METTL21C: variants seen among roughly 807,000 people sequenced by gnomAD.
METTL21C encodes protein-lysine methyltransferase METTL21C.
A neutral mutation model predicts 25.9 loss-of-function variants in METTL21C; 21 were observed. That is an observed-to-expected ratio of 0.81 (90% CI 0.58 to 1.17). The LOEUF (loss-of-function observed/expected upper bound fraction) is 1.17. METTL21C is among the 50% of genes most tolerant of loss of function. The pLI is 0.00. For synonymous variants in METTL21C, 125 were observed against 124.7 expected (o/e 1.00, Z -0.01); for missense variants, 312 against 315.1 (o/e 0.99, Z 0.07).
chr13:102,702,265 T>G, the METTL21C span, among the ~76,000 whole-genome samples: 1 of 151,758 alleles, frequency 6.6e-6, no homozygotes, highest in Admixed American at 6.6e-5. Context: ...CCTGACAACA[T>G]GTGTCCACTG....
intron 2 of METTL21C, among the ~76,000 whole-genome samples, chr13:102,690,158 C>T (rs1052462879): frequency 7.9e-5 from 12 of 152,094 alleles, no homozygotes; most frequent in African/African-American, 2.2e-4. Flanking sequence ...TGGTGGTTCA[C>T]GCTTGTAATC....
At chr13:102,701,261 C>T in the METTL21C span, among the ~76,000 whole-genome samples, 5,311 of 152,110 alleles carry the variant, frequency 0.035, 289 homozygotes, top group African/African-American at 0.12. Flanking sequence ...GAGCCCTCCC[C>T]CTTTCCAAAT....
At chr13:102,698,109 T>G (rs976063643), upstream of METTL21C, among the ~76,000 whole-genome samples, 3 of 152,108 alleles carry the variant, frequency 2.0e-5, no homozygotes, top group East Asian at 1.9e-4. Flanking sequence ...ATTTTATATA[T>G]CTGAAAGAAT....
At chr13:102,686,460 C>A (rs762334646) in intron 3 of METTL21C, 35 bp from the exon 4 acceptor site, 6 of 1,579,752 alleles carry the variant, frequency 3.8e-6, no homozygotes. Flanking sequence ...CTGGAAACAT[C>A]TGGGCAGTCA....
the METTL21C span, among the ~76,000 whole-genome samples, chr13:102,700,567 G>A: frequency 9.2e-5 from 14 of 152,242 alleles, no homozygotes; most frequent in Non-Finnish European, 1.5e-4. Context: ...GAGGAACGCT[G>A]TGCTTGGGAA....
intron 2 of METTL21C, among the ~76,000 whole-genome samples, chr13:102,688,094 G>T (rs1204204887): frequency 6.6e-6 from 1 of 152,172 alleles, no homozygotes; most frequent in Non-Finnish European, 1.5e-5. Context: ...AAAAAACAAT[G>T]AACTCTATAA....
chr13:102,689,224 C>T (rs1012680457), intron 2 of METTL21C, among the ~76,000 whole-genome samples: 4 of 152,136 alleles, frequency 2.6e-5, no homozygotes, highest in East Asian at 1.9e-4. Context: ...GCCACATGCC[C>T]GGCCTCTGAT....
chr13:102,685,820 GT>G lies in METTL21C; in HGVS notation c.*210del, dbSNP rs1289114881. 6.1e-6 allele frequency: 3 copies of G among 492,798 alleles called. No individual in the cohort carries two copies. The highest frequency in any genetic ancestry group is 1.0e-5 in the Non-Finnish European group (3 of 289,124). The allele number at this position is 492,798 out of a possible 1,614,324, so 30.5% of individuals were successfully genotyped here. On this transcript the variant is annotated 3_prime_UTR_variant, in exon 4 of 4. Transcript: ENST00000267273. ...AACAAAGCTACTTTCATGTTTTTAT[GT>G]TGTTCTTTTTAGATATTTAGATTAA...
chr13:102,689,563 C>T (rs754401994), intron 2 of METTL21C, among the ~76,000 whole-genome samples: 5 of 152,190 alleles, frequency 3.3e-5, no homozygotes, highest in African/African-American at 7.2e-5. Context: ...GGCATCACCC[C>T]GGAATGTGTA....
At chr13:102,703,798 A>G in the METTL21C span, among the ~76,000 whole-genome samples, 1,241 of 152,368 alleles carry the variant, frequency 8.1e-3, 3 homozygotes, top group Non-Finnish European at 0.014. Context: ...AGGCAGACAT[A>G]ACCCAGGCAA....
chr13:102,704,174 G>A, the METTL21C span, among the ~76,000 whole-genome samples: 8 of 152,154 alleles, frequency 5.3e-5, no homozygotes, highest in African/African-American at 9.7e-5. Flanking sequence ...ACGTCAGAGC[G>A]CTCACCTCAT....
chr13:102,686,008 T>C lies in METTL21C; in HGVS notation c.*23A>G. The stretch of plus-strand genomic sequence containing the variant: ...ACATTGCTCAAAAGACACAGTAACG[T>C]TGTGAAAGGCATTTTGTTGGATTTA... On this transcript the variant is annotated 3_prime_UTR_variant, in exon 4 of 4. Transcript: ENST00000267273. The C allele has an allele frequency of 2.6e-6, 4 of 1,544,034 alleles. No homozygotes were observed. Among genetic ancestry groups the C allele is most frequent in the Middle Eastern group, 1.8e-4 (1 of 5,544 alleles).
rs1209328845 is a variant in METTL21C at position 102,688,854 on chromosome 13, C to T, written c.283-1797G>A. ...TCTCAGGGACAGCTGTGTCTTTTGA[C>T]ATTGCAAACATTCCCCCGCCAGCCC... On this transcript the variant is annotated intron_variant, in intron 2 of 3. Transcript: ENST00000267273. Among the ~76,000 whole-genome samples the T allele has an allele frequency of 8.1e-5, 8 of 98,238 alleles. No individual in the cohort carries two copies. In the South Asian group the frequency reaches 1.1e-3, roughly 13 times the overall value. 64.4% of individuals were successfully genotyped at this position (98,238 alleles called of 152,430 possible).
the METTL21C span, among the ~76,000 whole-genome samples, chr13:102,700,684 C>T: frequency 1.6e-3 from 247 of 152,316 alleles, 1 homozygote; most frequent in East Asian, 0.041. Context: ...TACCTTTCTG[C>T]AGCTCACTTT....
chr13:102,700,871 C>CA, the METTL21C span, among the ~76,000 whole-genome samples: 3 of 151,968 alleles, frequency 2.0e-5, no homozygotes, highest in Non-Finnish European at 4.4e-5. Flanking sequence ...GACTCCCAGC[C>CA]AGGAGCAGAT....
At chr13:102,696,630 C>G (rs921040560), upstream of METTL21C, among the ~76,000 whole-genome samples, 2 of 152,096 alleles carry the variant, frequency 1.3e-5, no homozygotes, top group African/African-American at 2.4e-5. Context: ...TGGAGCTAGA[C>G]CACGGTAGAT....
chr13:102,689,830 C>T (rs779006463), intron 2 of METTL21C, among the ~76,000 whole-genome samples: 18 of 152,204 alleles, frequency 1.2e-4, no homozygotes, highest in Non-Finnish European at 1.5e-4. Context: ...TGTGAGCTTA[C>T]GCTAGGACTT....
At chr13:102,700,181 C>A in the METTL21C span, among the ~76,000 whole-genome samples, 4 of 152,186 alleles carry the variant, frequency 2.6e-5, no homozygotes, top group South Asian at 2.1e-4. Flanking sequence ...AAGTTATAGT[C>A]TTTTTATTTT....
upstream of METTL21C, among the ~76,000 whole-genome samples, chr13:102,695,724 C>A (rs138449634): frequency 6.0e-4 from 92 of 152,258 alleles, no homozygotes; most frequent in African/African-American, 2.0e-3. Flanking sequence ...GGGGATAAGC[C>A]GGCATTTGTT....
Sources: gnomAD v4.1 joint callset for allele counts (sites outside exome capture counted in the v4.1 genomes callset) on GRCh38, gnomAD v4.1.1 for gene constraint, MANE v1.5 for transcripts, NCBI Gene and HGNC (gene_info 2026-07-23, HGNC 2026-07-21) for gene names.